The following FHOD3 variants were observed in gnomAD, a reference collection of about 807,000 sequenced individuals.
The protein encoded by FHOD3 is formin homology 2 domain containing 3.
In FHOD3, 90 loss-of-function variants were observed where a neutral mutation model predicts 173.0. The ratio of observed to expected loss-of-function variants is 0.52; its 90% CI spans 0.44 to 0.62. FHOD3 has a LOEUF of 0.62. Among genes scored for constraint, FHOD3 ranks in the 20% least tolerant of loss-of-function variants. The probability of loss-of-function intolerance (pLI) is 0.00; values close to 1 mark genes in which losing one functional copy is unlikely to be tolerated. For synonymous variants in FHOD3, 828 were observed against 823.0 expected, an observed-to-expected ratio of 1.01 and a Z score of -0.10; for missense variants, 1,945 against 2,034.7, an observed-to-expected ratio of 0.96 and a Z score of 0.85.
chr18:36,560,242 C>T (rs1164035131), intron 5 of FHOD3, among the ~76,000 whole-genome samples: 1 of 152,194 alleles, frequency 6.6e-6, no homozygotes, highest in Non-Finnish European at 1.5e-5. Flanking sequence ...TGCATCTAAC[C>T]TGCTGGAGCC....
At chr18:36,727,807 T>C (rs2041153744) in intron 19 of FHOD3, among the ~76,000 whole-genome samples, 1 of 152,150 alleles carries the variant, frequency 6.6e-6, no homozygotes, top group African/African-American at 2.4e-5. Flanking sequence ...GTAGTGCTTC[T>C]CCCCCAAGCT....
intron 15 of FHOD3, among the ~76,000 whole-genome samples, chr18:36,683,563 T>C (rs1187895839): frequency 6.6e-6 from 1 of 152,220 alleles, no homozygotes; most frequent in Non-Finnish European, 1.5e-5. Flanking sequence ...ACCTTCACTA[T>C]TACTTGGCAT....
Position 36,730,627 on chromosome 18 carries a change from C to T in FHOD3, c.3418-19C>T. 1 of 1,607,078 alleles carries T rather than the reference C, an allele frequency of 6.2e-7. No homozygotes were observed. ...CAAGATGATGCATTAATCTTGGATTCTCCTTTTTTATCACTAAGAAAACTG... is the reference window on the plus strand; with the variant it reads ...CAAGATGATGCATTAATCTTGGATTTTCCTTTTTTATCACTAAGAAAACTG... On this transcript the variant is annotated intron_variant, in intron 19 of 28. Transcript: ENST00000590592.
intron 5 of FHOD3, among the ~76,000 whole-genome samples, chr18:36,564,608 A>G (rs992945320): frequency 6.6e-6 from 1 of 152,172 alleles, no homozygotes; most frequent in African/African-American, 2.4e-5. Flanking sequence ...TTCTGTGTGT[A>G]TTAGATGGGA....
At chr18:36,553,590 T>C (rs1304809157) in intron 5 of FHOD3, among the ~76,000 whole-genome samples, 1 of 152,226 alleles carries the variant, frequency 6.6e-6, no homozygotes, top group Non-Finnish European at 1.5e-5. Context: ...TTCTAGACTT[T>C]CTAGTTTATT....
chr18:36,475,805 CA>C (rs2053542421), intron 3 of FHOD3, among the ~76,000 whole-genome samples: 1 of 149,722 alleles, frequency 6.7e-6, no homozygotes, highest in South Asian at 2.1e-4. Context: ...CGCATACATA[CA>C]TATATAATTG....
At chr18:36,635,001 C>T (rs1382695927) in intron 10 of FHOD3, among the ~76,000 whole-genome samples, 1 of 152,126 alleles carries the variant, frequency 6.6e-6, no homozygotes, top group Non-Finnish European at 1.5e-5. Context: ...AAATGGGATT[C>T]ACTGACAAGT....
chr18:36,395,563 T>C (rs2048517823), intron 3 of FHOD3, among the ~76,000 whole-genome samples: 1 of 152,174 alleles, frequency 6.6e-6, no homozygotes, highest in Non-Finnish European at 1.5e-5. Flanking sequence ...AATTCTAAGA[T>C]GGTATTTTCC....
intron 3 of FHOD3, among the ~76,000 whole-genome samples, chr18:36,482,004 A>G (rs1269295710): frequency 1.3e-5 from 2 of 152,164 alleles, no homozygotes; most frequent in African/African-American, 2.4e-5. Flanking sequence ...CTGACACCTT[A>G]TGTCTTAAAG....
intron 19 of FHOD3, among the ~76,000 whole-genome samples, chr18:36,721,088 C>T (rs1238130102): frequency 1.3e-5 from 2 of 152,164 alleles, no homozygotes; most frequent in African/African-American, 4.8e-5. Context: ...GCCCAAAGTT[C>T]CATGATTGCC....
intron 2 of FHOD3, among the ~76,000 whole-genome samples, chr18:36,358,139 C>T (rs2046448342): frequency 6.6e-6 from 1 of 152,174 alleles, no homozygotes. Context: ...GGTGGCAAAG[C>T]CAAGTTTGAA....
intron 5 of FHOD3, among the ~76,000 whole-genome samples, chr18:36,537,293 A>G (rs949264912): frequency 2.0e-5 from 3 of 152,194 alleles, no homozygotes; most frequent in African/African-American, 7.2e-5. Context: ...CTTTCTTAGC[A>G]TTCCTATTTG....
chr18:36,378,292 C>T (rs532292124), intron 3 of FHOD3, among the ~76,000 whole-genome samples: 2 of 152,136 alleles, frequency 1.3e-5, no homozygotes, highest in African/African-American at 4.8e-5. Context: ...CTCCTTTATA[C>T]CCCAAGTCTG....
At chr18:36,313,780 T>C (rs1464287336) in intron 1 of FHOD3, among the ~76,000 whole-genome samples, 1 of 152,262 alleles carries the variant, frequency 6.6e-6, no homozygotes, top group Admixed American at 6.5e-5. Context: ...TTTTCTGTGA[T>C]AAATACCTAG....
chr18:36,663,109 C>T (rs573600931), intron 14 of FHOD3, among the ~76,000 whole-genome samples: 2 of 152,168 alleles, frequency 1.3e-5, no homozygotes, highest in East Asian at 3.9e-4. Context: ...ATTTTGTGTT[C>T]CTACTGAAGA....
chr18:36,650,013 T>C (rs774087860), intron 11 of FHOD3, among the ~76,000 whole-genome samples: 51 of 152,282 alleles, frequency 3.3e-4, no homozygotes, highest in Middle Eastern at 3.4e-3. Flanking sequence ...TTTCTTTCTA[T>C]CCTCAGGCAA....
intron 6 of FHOD3, among the ~76,000 whole-genome samples, chr18:36,583,461 C>A (rs935880187): frequency 6.6e-6 from 1 of 152,202 alleles, no homozygotes; most frequent in Non-Finnish European, 1.5e-5. Flanking sequence ...TCTCCTCCCC[C>A]ACCTTGTTGA....
chr18:36,588,377 A>G (rs959080608), intron 6 of FHOD3, among the ~76,000 whole-genome samples: 3 of 152,218 alleles, frequency 2.0e-5, no homozygotes, highest in Non-Finnish European at 4.4e-5. Context: ...TAAAGTGCTG[A>G]TGAGCTTGTA....
intron 1 of FHOD3, among the ~76,000 whole-genome samples, chr18:36,346,790 T>C (rs992837953): frequency 6.6e-5 from 10 of 152,218 alleles, no homozygotes; most frequent in African/African-American, 2.4e-4. Flanking sequence ...TGGCTTCTTA[T>C]TGCCCTAGAA....
Sources: allele counts gnomAD v4.1 joint callset (sites outside exome capture counted in the v4.1 genomes callset), GRCh38; gene constraint gnomAD v4.1.1; transcripts MANE v1.5; gene names NCBI Gene and HGNC (gene_info 2026-07-23, HGNC 2026-07-21).